SGMS2: variants seen among roughly 807,000 people sequenced by gnomAD.
SGMS2 encodes sphingomyelin synthase 2, also known as phosphatidylcholine:ceramide cholinephosphotransferase 2.
In SGMS2, 21 loss-of-function variants were observed where a neutral mutation model predicts 43.8. The observed-to-expected ratio is 0.48, with a 90% CI of 0.34 to 0.69. The LOEUF (loss-of-function observed/expected upper bound fraction) is 0.69. SGMS2 is among the 30% of genes least tolerant of loss of function. The pLI, the probability that SGMS2 is intolerant of heterozygous loss-of-function variation, is 0.01. For synonymous variants in SGMS2, 167 were observed against 160.6 expected, an observed-to-expected ratio of 1.04 and a Z score of -0.30; for missense variants, 384 against 443.2, an observed-to-expected ratio of 0.87 and a Z score of 1.20.
At chr4:107,892,449 G>A (rs1730310273) in intron 2 of SGMS2, among the ~76,000 whole-genome samples, 1 of 151,724 alleles carries the variant, frequency 6.6e-6, no homozygotes, top group African/African-American at 2.4e-5. Flanking sequence ...TCCCTCTGTG[G>A]TTACCAAAAT....
chr4:107,906,347 C>A (rs986351542), intron 5 of SGMS2, among the ~76,000 whole-genome samples: 13 of 152,048 alleles, frequency 8.5e-5, no homozygotes, highest in Non-Finnish European at 5.9e-5. Flanking sequence ...TTCATACAGT[C>A]GTGCAAATAT....
At chr4:107,845,521 A>G (rs1388075422) in intron 1 of SGMS2, among the ~76,000 whole-genome samples, 1 of 152,196 alleles carries the variant, frequency 6.6e-6, no homozygotes, top group Non-Finnish European at 1.5e-5. Flanking sequence ...CACAAACCAA[A>G]TAAAGTATAG....
chr4:107,914,984 A>G lies in SGMS2; in HGVS notation c.*4431A>G, dbSNP rs952642139. The G allele has an allele frequency of 2.8e-4, 43 of 152,202 alleles. No homozygotes were observed. Among genetic ancestry groups the G allele is most frequent in the Non-Finnish European group, 2.2e-4 (15 of 68,032 alleles). The allele number at this position is 152,202 out of a possible 1,614,324, so 9.4% of individuals were successfully genotyped here. A position where few individuals can be genotyped will look rare whatever the true frequency, so the allele number is the denominator to read the frequency against. On this transcript the variant is annotated 3_prime_UTR_variant, in exon 7 of 7. Transcript: ENST00000690982. ...TTTGGTTTTGCTTTTTAAAAAATGCAAGAGCCTATACTTTGTATTTACCTA... is the reference window on the plus strand; with the variant it reads ...TTTGGTTTTGCTTTTTAAAAAATGCGAGAGCCTATACTTTGTATTTACCTA...
chr4:107,900,257 G>A (rs1731009233), intron 4 of SGMS2, among the ~76,000 whole-genome samples: 1 of 152,168 alleles, frequency 6.6e-6, no homozygotes, highest in Non-Finnish European at 1.5e-5. Flanking sequence ...CATGTGGACG[G>A]CATGAGAGCT....
intron 2 of SGMS2, chr4:107,893,316 T>G (rs1032035092): frequency 1.3e-5 from 2 of 152,196 alleles, no homozygotes; most frequent in African/African-American, 4.8e-5. Flanking sequence ...CACATGAACA[T>G]AAGACTAGGA....
At chr4:107,852,018 A>T (rs1426012277) in intron 1 of SGMS2, among the ~76,000 whole-genome samples, 2 of 151,914 alleles carry the variant, frequency 1.3e-5, no homozygotes, top group Non-Finnish European at 2.9e-5. Context: ...AATGAGGTGT[A>T]CCGTTTTTAT....
chr4:107,892,431 A>T (rs1327546790), intron 2 of SGMS2, among the ~76,000 whole-genome samples: 2 of 117,346 alleles, frequency 1.7e-5, no homozygotes, highest in African/African-American at 5.7e-5. Context: ...GGGCACCTCC[A>T]CTCAGAATCC....
intron 2 of SGMS2, among the ~76,000 whole-genome samples, chr4:107,866,054 A>C (rs1409371305): frequency 1.3e-5 from 2 of 152,196 alleles, no homozygotes; most frequent in Non-Finnish European, 2.9e-5. Context: ...ATTAATTCTC[A>C]TCAAGTGGCA....
intron 1 of SGMS2, among the ~76,000 whole-genome samples, chr4:107,845,341 G>C (rs1379748793): frequency 6.6e-6 from 1 of 152,206 alleles, no homozygotes; most frequent in Non-Finnish European, 1.5e-5. Context: ...AGGAGCCCGT[G>C]ATCTGAAAGG....
chr4:107,849,429 G>T (rs1727013030), intron 1 of SGMS2, among the ~76,000 whole-genome samples: 1 of 152,092 alleles, frequency 6.6e-6, no homozygotes, highest in Admixed American at 6.6e-5. Flanking sequence ...AATTTAAGTA[G>T]CCCCATGTAC....
intron 4 of SGMS2, among the ~76,000 whole-genome samples, chr4:107,901,732 G>T (rs1458472637): frequency 6.6e-6 from 1 of 152,166 alleles, no homozygotes; most frequent in East Asian, 1.9e-4. Flanking sequence ...TTACATAAGT[G>T]TTGGCCCCAT....
At chr4:107,888,405 TAA>T (rs1186907017) in intron 2 of SGMS2, among the ~76,000 whole-genome samples, 3 of 152,160 alleles carry the variant, frequency 2.0e-5, no homozygotes, top group African/African-American at 4.8e-5. Context: ...CTTGATAATA[TAA>T]AAGTTTATTT....
At chr4:107,885,515 C>T (rs1293333915) in intron 2 of SGMS2, among the ~76,000 whole-genome samples, 3 of 152,142 alleles carry the variant, frequency 2.0e-5, no homozygotes, top group African/African-American at 7.2e-5. Flanking sequence ...TGGGAAAAGT[C>T]TTCTGCTGCT....
At chr4:107,863,342 C>T (rs908869880) in intron 2 of SGMS2, 6 of 152,132 alleles carry the variant, frequency 3.9e-5, no homozygotes, top group African/African-American at 1.4e-4. Flanking sequence ...TTAATGTTAG[C>T]ATTTGGGGAA....
chr4:107,886,958 C>T (rs2126098066), intron 2 of SGMS2: 1 of 152,260 alleles, frequency 6.6e-6, no homozygotes, highest in East Asian at 1.9e-4. Flanking sequence ...AAATATGCTC[C>T]ACATTTTGTT....
intron 2 of SGMS2, among the ~76,000 whole-genome samples, chr4:107,877,913 C>CTTTTCTT (rs1729041526): frequency 3.9e-5 from 4 of 102,180 alleles, no homozygotes; most frequent in Non-Finnish European, 5.8e-5. Context: ...TTTTTCTTTT[C>CTTTTCTT]TTTTTTTTTT....
At chr4:107,870,268 G>A (rs956470665) in intron 2 of SGMS2, among the ~76,000 whole-genome samples, 1 of 152,196 alleles carries the variant, frequency 6.6e-6, no homozygotes, top group Non-Finnish European at 1.5e-5. Flanking sequence ...AGATGTCTGT[G>A]AAAAGAAAGC....
At chr4:107,833,044 G>A (rs189733916) in intron 1 of SGMS2, among the ~76,000 whole-genome samples, 8 of 152,038 alleles carry the variant, frequency 5.3e-5, no homozygotes, top group Admixed American at 3.9e-4. Context: ...GAAAAAAGAC[G>A]TTGATACTAA....
intron 1 of SGMS2, among the ~76,000 whole-genome samples, chr4:107,836,007 A>G (rs1726148402): frequency 6.6e-6 from 1 of 152,238 alleles, no homozygotes; most frequent in Non-Finnish European, 1.5e-5. Context: ...GCAAAAAGAA[A>G]CAGATGTAAT....
Sources: gnomAD v4.1 joint callset for allele counts (sites outside exome capture counted in the v4.1 genomes callset) on GRCh38, gnomAD v4.1.1 for gene constraint, MANE v1.5 for transcripts, NCBI Gene and HGNC (gene_info 2026-07-23, HGNC 2026-07-21) for gene names.